SLC40A1: variants seen among roughly 807,000 people sequenced by gnomAD.
SLC40A1 encodes ferroportin.
A neutral mutation model predicts 53.5 loss-of-function variants in SLC40A1; 16 were observed. The ratio of observed to expected loss-of-function variants is 0.30; its 90% confidence interval spans 0.20 to 0.45. The LOEUF is 0.45. SLC40A1 is among the 20% of genes least tolerant of loss of function. SLC40A1 has a pLI of 1.00. For synonymous variants in SLC40A1, 247 were observed against 253.2 expected, an observed-to-expected ratio of 0.98 and a Z score of 0.23; for missense variants, 545 against 695.4, an observed-to-expected ratio of 0.78 and a Z score of 2.43.
At chr2:189,564,653 A>G (rs2030872181) in intron 6 of SLC40A1, among the ~76,000 whole-genome samples, 1 of 152,132 alleles carries the variant, frequency 6.6e-6, no homozygotes, top group Admixed American at 6.5e-5. Flanking sequence ...ATCCTGGCTA[A>G]CATGGTGAAA....
intron 5 of SLC40A1, among the ~76,000 whole-genome samples, chr2:189,568,184 T>TAAAA (rs757056097): frequency 7.7e-6 from 1 of 130,602 alleles, no homozygotes; most frequent in Non-Finnish European, 1.7e-5. Flanking sequence ...AATGGATAAT[T>TAAAA]AAAAAAAAAA....
chr2:189,578,050 T>C (rs1331227608), intron 2 of SLC40A1, among the ~76,000 whole-genome samples: 1 of 152,198 alleles, frequency 6.6e-6, no homozygotes, highest in Admixed American at 6.5e-5. Context: ...TCTACTCTAA[T>C]GCCCCTACGT....
chr2:189,571,080 T>C (rs1241665616), intron 5 of SLC40A1, among the ~76,000 whole-genome samples: 3 of 152,186 alleles, frequency 2.0e-5, no homozygotes, highest in African/African-American at 4.8e-5. Context: ...ATTGACAGAA[T>C]AGGACATGTT....
intron 3 of SLC40A1, among the ~76,000 whole-genome samples, chr2:189,574,735 A>G (rs912954602): frequency 2.0e-5 from 3 of 152,152 alleles, no homozygotes; most frequent in East Asian, 1.9e-4. Context: ...TTAGTTTTCA[A>G]TTCCCTTATA....
chr2:189,567,119 CAA>C (rs2030960739), intron 5 of SLC40A1, among the ~76,000 whole-genome samples: 2 of 152,036 alleles, frequency 1.3e-5, no homozygotes, highest in African/African-American at 4.8e-5. Context: ...AAGAAAGAGA[CAA>C]GAGAGAGATC....
chr2:189,579,977 A>G, intron 1 of SLC40A1, 97 bp from the exon 2 acceptor site: 1 of 1,229,636 alleles, frequency 8.1e-7, no homozygotes, highest in Non-Finnish European at 1.2e-6. Flanking sequence ...GAACATGATT[A>G]TTAAAAACTA....
At chr2:189,571,375 C>T (rs1308683323) in intron 5 of SLC40A1, among the ~76,000 whole-genome samples, 1 of 150,964 alleles carries the variant, frequency 6.6e-6, no homozygotes, top group Non-Finnish European at 1.5e-5. Flanking sequence ...TAGGTATGAC[C>T]AGTAAAATCT....
intron 2 of SLC40A1, among the ~76,000 whole-genome samples, chr2:189,576,210 A>T (rs1189080082): frequency 6.6e-6 from 1 of 152,212 alleles, no homozygotes; most frequent in Non-Finnish European, 1.5e-5. Flanking sequence ...AACATTAAGG[A>T]GGACAACCAT....
Position 189,565,360 on chromosome 2 carries a change from G to A in SLC40A1, c.754C>T (p.His252Tyr). The change falls in exon 6 of 8, where the codon CAC (histidine) becomes TAC (tyrosine). Residue 252 changes from histidine to tyrosine, a missense_variant. Coordinates refer to ENST00000261024, the MANE Select transcript of SLC40A1 (RefSeq NM_014585.6). ...ATCATTGTGTTCAGTTTACCTTTGT[G>A]TAAATTCAGCTGTTTCAATTCAGTT... ...EETELKQLNLHKDTEPKPLEG... is the reference protein window; with the variant it reads ...EETELKQLNLYKDTEPKPLEG... 6.2e-7 allele frequency: 1 copy of A among 1,614,208 alleles called. No homozygotes were observed. Among genetic ancestry groups the A allele is most frequent in the South Asian group, 1.1e-5 (1 of 91,086 alleles).
Position 189,561,032 on chromosome 2 carries a change from G to C in SLC40A1, c.*846C>G, listed in dbSNP as rs991497059. On this transcript the variant is annotated 3_prime_UTR_variant, in exon 8 of 8. Coordinates refer to ENST00000261024, the MANE Select transcript of SLC40A1 (RefSeq NM_014585.6). ...TCTACATGTAACTTGCCAGGCTGAA[G>C]GCTTACACCCTCATGTTCTACAACA... is the stretch of plus-strand genomic sequence containing the variant. The C allele has an allele frequency of 6.6e-6, 1 of 152,180 alleles. No individual in the cohort carries two copies. The highest frequency in any genetic ancestry group is 1.5e-5 in the Non-Finnish European group (1 of 68,032). The allele number at this position is 152,180 out of a possible 1,614,324, so 9.4% of individuals were successfully genotyped here.
chr2:189,570,304 C>G (rs1342695278), intron 5 of SLC40A1, among the ~76,000 whole-genome samples: 2 of 152,008 alleles, frequency 1.3e-5, no homozygotes, highest in Non-Finnish European at 2.9e-5. Context: ...TAAAAGTCAA[C>G]TTTCTTCTCT....
intron 7 of SLC40A1, among the ~76,000 whole-genome samples, chr2:189,563,019 A>G (rs572309153): frequency 6.6e-6 from 1 of 152,202 alleles, no homozygotes; most frequent in East Asian, 1.9e-4. Context: ...TATAGCTAAT[A>G]TCTTTTATAA....
chr2:189,566,669 T>C (rs2030948685), intron 5 of SLC40A1, among the ~76,000 whole-genome samples: 1 of 152,174 alleles, frequency 6.6e-6, no homozygotes, highest in East Asian at 1.9e-4. Context: ...ACCACATATA[T>C]GGCTTCAGGT....
rs2030731284 is a variant in SLC40A1, at chr2:189,561,300, C to G, written c.*578G>C. On this transcript the variant is annotated 3_prime_UTR_variant, in exon 8 of 8. Transcript: ENST00000261024. ...CTGATAATAAAAATACAAAGGTGCT[C>G]TTTAAGCTAAACCATAAACCTTATT... 6.5e-6 allele frequency: 1 copy of G among 153,604 alleles called. No individual in the cohort carries two copies. The highest frequency in any genetic ancestry group is 2.0e-4 in the South Asian group (1 of 4,892). The allele number at this position is 153,604 out of a possible 1,614,324, so 9.5% of individuals were successfully genotyped here.
chr2:189,572,847 A>G lies in SLC40A1; in HGVS notation c.386T>C (p.Leu129Pro). The change falls in exon 4 of 8, where the codon CTC becomes CCC. Residue 129 changes from leucine (L) to proline (P), a missense_variant and splice_region_variant. Transcript: ENST00000261024. ...TCAAGAATCTCATTGAGAACTTACG[A>G]GAACCCATCCATGGTACATGGTCAG... ...ELLTMYHGWV[L>P]TSCYILIITI... 1 of 1,602,476 alleles carries G rather than the reference A, an allele frequency of 6.2e-7. No individual in the cohort carries two copies. The highest frequency in any genetic ancestry group is 8.6e-7 in the Non-Finnish European group (1 of 1,169,498).
At chr2:189,578,730 T>G (rs1164142325) in intron 2 of SLC40A1, among the ~76,000 whole-genome samples, 1 of 152,242 alleles carries the variant, frequency 6.6e-6, no homozygotes, top group East Asian at 1.9e-4. Context: ...CCACTTTGTT[T>G]ACATGTATTT....
At position 189,560,644 on chromosome 2, in the gene SLC40A1, T is replaced by C. The variant is rs1175826789; in HGVS notation, c.*1234A>G. On this transcript the variant is annotated 3_prime_UTR_variant, in exon 8 of 8. Transcript: ENST00000261024. ...AATTTTTTACAAAGATTTTACAACA[T>C]AGCAAATCATTATGTCATACTGTAG... The C allele has an allele frequency of 6.6e-6, 1 of 152,600 alleles. No individual in the cohort carries two copies. 9.5% of individuals were successfully genotyped at this position (152,600 alleles called of 1,614,324 possible).
chr2:189,573,464 G>C (rs2105629875), intron 3 of SLC40A1, among the ~76,000 whole-genome samples: 1 of 152,310 alleles, frequency 6.6e-6, no homozygotes, highest in African/African-American at 2.4e-5. Context: ...GTATTTCTTT[G>C]CATACTAATG....
chr2:189,561,865 C>A lies in SLC40A1; in HGVS notation c.*13G>T. 1 of 1,606,932 alleles carries A rather than the reference C, an allele frequency of 6.2e-7. No homozygotes were observed. The highest frequency in any genetic ancestry group is 8.5e-7 in the Non-Finnish European group (1 of 1,173,592). On this transcript the variant is annotated 3_prime_UTR_variant, in exon 8 of 8. Transcript: ENST00000261024. ...ATATAATCTAGTAACAGGATAGCAA[C>A]AGTTAAACTGTCTCAAACAACAGAT...
Sources: gnomAD v4.1 joint callset for allele counts (sites outside exome capture counted in the v4.1 genomes callset) on GRCh38, gnomAD v4.1.1 for gene constraint, MANE v1.5 for transcripts, NCBI Gene and HGNC (gene_info 2026-07-23, HGNC 2026-07-21) for gene names.